Variants in LRRTM4 observed in about 807,000 individuals in gnomAD.
LRRTM4 encodes the protein leucine rich repeat transmembrane neuronal 4.
LRRTM4 carries 25 observed loss-of-function variants against 47.6 expected under a neutral mutation model. The observed-to-expected ratio is 0.53, with a 90% CI of 0.38 to 0.73. The LOEUF (loss-of-function observed/expected upper bound fraction) is 0.73, where lower values mean the gene tolerates loss of function less well. Among genes scored for constraint, LRRTM4 ranks in the 30% least tolerant of loss-of-function variants. LRRTM4 has a pLI of 0.00. For missense variants in LRRTM4, 638 were observed against 713.4 expected, an observed-to-expected ratio of 0.89 and a Z score of 1.20; for synonymous variants, 311 against 269.5, an observed-to-expected ratio of 1.15 and a Z score of -1.51.
At chr2:77,504,644 TA>T (rs1187558892) in intron 3 of LRRTM4, among the ~76,000 whole-genome samples, 3 of 151,606 alleles carry the variant, frequency 2.0e-5, no homozygotes, top group African/African-American at 7.2e-5. Flanking sequence ...TTTACAATCT[TA>T]AGGAAAAATT....
intron 3 of LRRTM4, among the ~76,000 whole-genome samples, chr2:77,031,069 C>T (rs765700421): frequency 6.6e-6 from 1 of 152,018 alleles, no homozygotes; most frequent in African/African-American, 2.4e-5. Flanking sequence ...GGAGAATTTA[C>T]TCAGGTTTGT....
At chr2:77,467,429 A>G (rs1170480708) in intron 3 of LRRTM4, among the ~76,000 whole-genome samples, 2 of 152,242 alleles carry the variant, frequency 1.3e-5, no homozygotes, top group African/African-American at 2.4e-5. Context: ...AGGGATGACT[A>G]AAGACATCTA....
At chr2:77,094,156 A>G (rs535068663) in intron 3 of LRRTM4, among the ~76,000 whole-genome samples, 46 of 152,288 alleles carry the variant, frequency 3.0e-4, no homozygotes, top group South Asian at 2.5e-3. Flanking sequence ...CCAACAAAAA[A>G]AGCAATTTAA....
At chr2:77,352,873 C>A (rs1469818181) in intron 3 of LRRTM4, among the ~76,000 whole-genome samples, 2 of 151,696 alleles carry the variant, frequency 1.3e-5, no homozygotes, top group Non-Finnish European at 2.9e-5. Flanking sequence ...TAGCAAGAAG[C>A]CTAATTGGTA....
chr2:77,442,943 C>T (rs1382350942), intron 3 of LRRTM4, among the ~76,000 whole-genome samples: 1 of 152,106 alleles, frequency 6.6e-6, no homozygotes, highest in Non-Finnish European at 1.5e-5. Context: ...ATGATATAAT[C>T]TGGGTACATC....
intron 3 of LRRTM4, among the ~76,000 whole-genome samples, chr2:76,907,086 G>C (rs367866941): frequency 6.1e-4 from 93 of 151,746 alleles, no homozygotes; most frequent in East Asian, 3.7e-3. Flanking sequence ...TAACCACATA[G>C]TTGGAAGTAA....
chr2:76,842,448 C>G (rs537989965), intron 3 of LRRTM4, among the ~76,000 whole-genome samples: 31 of 152,234 alleles, frequency 2.0e-4, no homozygotes, highest in Middle Eastern at 6.8e-3. Flanking sequence ...CTTTGATTTC[C>G]ATTGTATATT....
At chr2:77,135,800 A>G (rs878906621) in intron 3 of LRRTM4, among the ~76,000 whole-genome samples, 1 of 152,168 alleles carries the variant, frequency 6.6e-6, no homozygotes, top group Non-Finnish European at 1.5e-5. Flanking sequence ...ACTACTACAA[A>G]TGTGAAAACC....
intron 3 of LRRTM4, among the ~76,000 whole-genome samples, chr2:77,513,349 C>A (rs1402601731): frequency 6.6e-6 from 1 of 152,092 alleles, no homozygotes; most frequent in African/African-American, 2.4e-5. Flanking sequence ...ACCATAGAGA[C>A]TTTACAAACT....
chr2:76,996,899 G>A (rs911234943), intron 3 of LRRTM4, among the ~76,000 whole-genome samples: 3 of 152,120 alleles, frequency 2.0e-5, no homozygotes, highest in African/African-American at 7.2e-5. Context: ...ATGCTTGGCT[G>A]GAACTTGTCA....
intron 3 of LRRTM4, among the ~76,000 whole-genome samples, chr2:76,964,660 TCTTC>T (rs1675965436): frequency 7.5e-6 from 1 of 134,040 alleles, no homozygotes. Context: ...AATAATCTAA[TCTTC>T]CTTACTTTAG....
chr2:77,260,715 G>A (rs564919035), intron 3 of LRRTM4, among the ~76,000 whole-genome samples: 50 of 152,140 alleles, frequency 3.3e-4, no homozygotes, highest in African/African-American at 1.2e-3. Flanking sequence ...TTTCATAGGT[G>A]ATTGGGCATT....
Position 77,209,295 on chromosome 2 carries a change from G to A in LRRTM4, c.1551+309023C>T, listed in dbSNP as rs146805665. Among the ~76,000 whole-genome samples, 69 of 152,194 alleles carry A rather than the reference G, an allele frequency of 4.5e-4. No homozygotes were observed. In the East Asian group the frequency reaches 0.013, roughly 28 times the overall value. ...CCTAAGTACTAAATCATAATTACCA[G>A]CAACTGAGGACTGGGCATCAGAATT... On this transcript the variant is annotated intron_variant, in intron 3 of 3. Transcript: ENST00000409884.
At chr2:77,222,300 G>C (rs933463700) in intron 3 of LRRTM4, among the ~76,000 whole-genome samples, 1 of 152,116 alleles carries the variant, frequency 6.6e-6, no homozygotes, top group Non-Finnish European at 1.5e-5. Flanking sequence ...AAAATAACTA[G>C]AGAAGCAAGA....
At chr2:76,822,068 T>C (rs1268272654) in intron 3 of LRRTM4, among the ~76,000 whole-genome samples, 1 of 151,650 alleles carries the variant, frequency 6.6e-6, no homozygotes, top group Non-Finnish European at 1.5e-5. Context: ...TGAAAATATT[T>C]AGTAAAATTT....
intron 3 of LRRTM4, among the ~76,000 whole-genome samples, chr2:77,406,636 G>C (rs889115689): frequency 1.3e-5 from 2 of 151,954 alleles, no homozygotes; most frequent in African/African-American, 4.8e-5. Flanking sequence ...AAAGTTAGTG[G>C]AATGAAAATC....
At chr2:76,762,486 T>C (rs1378878555) in intron 3 of LRRTM4, among the ~76,000 whole-genome samples, 1 of 152,226 alleles carries the variant, frequency 6.6e-6, no homozygotes, top group Non-Finnish European at 1.5e-5. Flanking sequence ...CCCAAACTAC[T>C]TCAATGAATG....
intron 3 of LRRTM4, among the ~76,000 whole-genome samples, chr2:77,360,583 T>TACAC (rs1672172489): frequency 6.6e-6 from 1 of 151,720 alleles, no homozygotes; most frequent in South Asian, 2.1e-4. Context: ...CATACATACA[T>TACAC]ACATACATAC....
At chr2:76,807,633 C>G (rs1160244042) in intron 3 of LRRTM4, among the ~76,000 whole-genome samples, 2 of 151,108 alleles carry the variant, frequency 1.3e-5, no homozygotes, top group African/African-American at 2.4e-5. Flanking sequence ...ACTCTGTTGC[C>G]CAGGCTGGAG....
Sources: gnomAD v4.1 joint callset for allele counts (sites outside exome capture counted in the v4.1 genomes callset) on GRCh38, gnomAD v4.1.1 for gene constraint, MANE v1.5 for transcripts, NCBI Gene and HGNC (gene_info 2026-07-23, HGNC 2026-07-21) for gene names.